OGG1: variants seen among roughly 807,000 people sequenced by gnomAD.
OGG1 encodes N-glycosylase/DNA lyase.
Under a neutral mutation model 42.3 loss-of-function variants are expected in OGG1, and 35 were observed. The ratio of observed to expected loss-of-function variants is 0.83; its 90% CI spans 0.63 to 1.10. The LOEUF (loss-of-function observed/expected upper bound fraction) is 1.10. Ranked by LOEUF, OGG1 falls within the 50% of genes least tolerant of loss-of-function variation. The probability of loss-of-function intolerance (pLI) is 0.00; values close to 1 mark genes in which losing one functional copy is unlikely to be tolerated. For missense variants in OGG1, 484 were observed against 446.7 expected (o/e 1.08, Z -0.75); for synonymous variants, 189 against 179.0 (o/e 1.06, Z -0.44).
At chr3:9,771,625 C>G (rs773404048), downstream of OGG1, among the ~76,000 whole-genome samples, 1 of 152,068 alleles carries the variant, frequency 6.6e-6, no homozygotes, top group East Asian at 1.9e-4. Context: ...ATCTCAGTAT[C>G]TCAGACTCCT....
chr3:9,772,436 A>G (rs965177851), intron 2 of OGG1, among the ~76,000 whole-genome samples: 1 of 152,198 alleles, frequency 6.6e-6, no homozygotes, highest in African/African-American at 2.4e-5. Flanking sequence ...GGAGACTGGA[A>G]CTGGAGATGT....
At chr3:9,761,627 GCACC>G, downstream of OGG1, 1 of 1,614,042 alleles carries the variant, frequency 6.2e-7, no homozygotes, top group Non-Finnish European at 8.5e-7. Context: ...AGGGCCCTCC[GCACC>G]CACGTATCCC....
chr3:9,761,565 C>A, downstream of OGG1: 4 of 1,613,146 alleles, frequency 2.5e-6, no homozygotes, highest in Non-Finnish European at 3.4e-6. Context: ...GTGGTGGTGA[C>A]AAATCTCTGC....
intron 3 of OGG1, chr3:9,783,809 A>T: frequency 1.3e-6 from 1 of 766,348 alleles, no homozygotes; most frequent in South Asian, 3.1e-5. Context: ...AAATCAAATC[A>T]ATCGGTCAGT....
chr3:9,755,961 G>A (rs1450667048), intron 4 of OGG1, among the ~76,000 whole-genome samples: 1 of 152,120 alleles, frequency 6.6e-6, no homozygotes, highest in East Asian at 1.9e-4. Flanking sequence ...CTTCTTCCCA[G>A]GTTATGATAA....
At chr3:9,769,917 T>C (rs1320393177), downstream of OGG1, 1 of 152,186 alleles carries the variant, frequency 6.6e-6, no homozygotes, top group African/African-American at 2.4e-5. Context: ...GCTGCGTGCC[T>C]GGGCCACCCG....
Position 9,750,176 on chromosome 3 carries a change from T to G in OGG1, c.-111T>G. ...CAGGGAAGGTTGTTAAACAGCACCGTGTGGGCGAGGCCTTAAGGGTCGTGG... is the reference window on the plus strand; with the variant it reads ...CAGGGAAGGTTGTTAAACAGCACCGGGTGGGCGAGGCCTTAAGGGTCGTGG... On this transcript the variant is annotated 5_prime_UTR_variant, in exon 1 of 7. Coordinates refer to ENST00000344629, the MANE Select transcript of OGG1 (RefSeq NM_002542.6). 1 of 1,349,178 alleles carries G rather than the reference T, an allele frequency of 7.4e-7. No individual in the cohort carries two copies. Among genetic ancestry groups the G allele is most frequent in the Non-Finnish European group, 1.0e-6 (1 of 989,468 alleles). The allele number at this position is 1,349,178 out of a possible 1,614,324, so 83.6% of individuals were successfully genotyped here.
chr3:9,752,057 C>T (rs1167729579), intron 3 of OGG1, 108 bp downstream of exon 3: 1 of 1,040,422 alleles, frequency 9.6e-7, no homozygotes, highest in Non-Finnish European at 1.5e-6. Context: ...AACACTTCCC[C>T]TATCCAGAAC....
chr3:9,754,510 A>G (rs190492570), intron 3 of OGG1, among the ~76,000 whole-genome samples, 194 bp from the exon 4 acceptor site: 14 of 152,298 alleles, frequency 9.2e-5, no homozygotes, highest in Admixed American at 6.5e-4. Context: ...CTCAGAAAAC[A>G]TGTGTAGAGG....
chr3:9,790,016 C>G, downstream of OGG1: 1 of 1,525,500 alleles, frequency 6.6e-7, no homozygotes, highest in Non-Finnish European at 8.8e-7. Context: ...CACAGAATAT[C>G]TCTTTCCTCT....
At chr3:9,766,349 G>A (rs2078151686) in exon 8 of OGG1, 4 of 671,032 alleles carry the variant, frequency 6.0e-6, no homozygotes, top group Non-Finnish European at 1.1e-5. Flanking sequence ...TATGTGTACA[G>A]TTGGTTCATC....
intron 3 of OGG1, among the ~76,000 whole-genome samples, chr3:9,752,404 C>G (rs2077345296): frequency 6.6e-6 from 1 of 151,994 alleles, no homozygotes. Flanking sequence ...GCACCTAGCA[C>G]AGTGTTTGGC....
chr3:9,789,253 G>C (rs1394802043), downstream of OGG1, among the ~76,000 whole-genome samples: 1 of 152,204 alleles, frequency 6.6e-6, no homozygotes, highest in Non-Finnish European at 1.5e-5. Flanking sequence ...CAGAGGGGAT[G>C]GGGATAAAGG....
downstream of OGG1, chr3:9,790,063 C>T: frequency 7.1e-7 from 1 of 1,400,110 alleles, no homozygotes; most frequent in Non-Finnish European, 9.4e-7. Flanking sequence ...ACAGAGGCTC[C>T]TGGGTCTTTC....
exon 4 of OGG1, chr3:9,787,829 AAG>A (rs2078652149): frequency 1.3e-6 from 1 of 745,254 alleles, no homozygotes; most frequent in Admixed American, 2.4e-5. Flanking sequence ...GGGAATCTGA[AAG>A]AGTGCTTTGG....
At position 9,787,128 on chromosome 3, in the gene OGG1, G is replaced by A. The variant is rs780387978; in HGVS notation, c.383-600G>A. 6 of 1,614,204 alleles carry A rather than the reference G, an allele frequency of 3.7e-6. No homozygotes were observed. The South Asian group carries it at 6.6e-5, about 18-fold the overall frequency. ...TCCACATCTAAGCGGGCACAGGAAA[G>A]GAGGGGAGGTGGGCTGAAGTTCTGG... On this transcript the variant is annotated intron_variant, in intron 3 of 3. Transcript: ENST00000426518.
At chr3:9,765,208 C>A (rs1302164176) in intron 7 of OGG1, among the ~76,000 whole-genome samples, 1 of 148,570 alleles carries the variant, frequency 6.7e-6, no homozygotes, top group Non-Finnish European at 1.5e-5. Context: ...GCCGGGGCAA[C>A]AGAGTGAGAC....
intron 3 of OGG1, chr3:9,784,332 CTG>C: frequency 7.6e-7 from 1 of 1,319,568 alleles, no homozygotes; most frequent in Non-Finnish European, 1.0e-6. Context: ...GGCACCCCCT[CTG>C]TATCTATCCA....
downstream of OGG1, chr3:9,761,630 C>T: frequency 6.2e-7 from 1 of 1,614,128 alleles, no homozygotes; most frequent in African/African-American, 1.3e-5. Flanking sequence ...GCCCTCCGCA[C>T]CCACGTATCC....
Sources: gnomAD v4.1 joint callset for allele counts (sites outside exome capture counted in the v4.1 genomes callset) on GRCh38, gnomAD v4.1.1 for gene constraint, MANE v1.5 for transcripts, NCBI Gene and HGNC (gene_info 2026-07-23, HGNC 2026-07-21) for gene names.